STARD13: variants seen among roughly 807,000 people sequenced by gnomAD.
The protein encoded by STARD13 is StAR related lipid transfer domain containing 13.
Under a neutral mutation model 106.4 loss-of-function variants are expected in STARD13, and 62 were observed. The observed-to-expected ratio is 0.58, with a 90% confidence interval of 0.48 to 0.72. STARD13 has a LOEUF of 0.72. STARD13 is among the 30% of genes least tolerant of loss of function. STARD13 has a pLI of 0.00. For synonymous variants in STARD13, 565 were observed against 553.0 expected (o/e 1.02, Z -0.31); for missense variants, 1,387 against 1,424.0 (o/e 0.97, Z 0.42).
the STARD13 span, among the ~76,000 whole-genome samples, chr13:33,452,219 G>A: frequency 6.6e-6 from 1 of 152,074 alleles, no homozygotes; most frequent in Admixed American, 6.6e-5. Context: ...GGAGGGTGTG[G>A]ATAATGACAG....
chr13:33,494,566 G>A, the STARD13 span, among the ~76,000 whole-genome samples: 3 of 152,126 alleles, frequency 2.0e-5, no homozygotes, highest in East Asian at 1.9e-4. Flanking sequence ...GGGCTTTCCC[G>A]GCTTATTTTT....
chr13:33,141,464 C>A (rs1276748107), intron 4 of STARD13, among the ~76,000 whole-genome samples: 1 of 152,218 alleles, frequency 6.6e-6, no homozygotes, highest in Non-Finnish European at 1.5e-5. Flanking sequence ...AAACTCAAAT[C>A]TCTAGTCTTA....
At chr13:33,174,168 A>C (rs551077237) in intron 1 of STARD13, among the ~76,000 whole-genome samples, 2 of 152,156 alleles carry the variant, frequency 1.3e-5, no homozygotes, top group Non-Finnish European at 2.9e-5. Context: ...AGTCTTTTTC[A>C]GCCTGGTTGG....
chr13:33,181,453 C>T (rs748907765), intron 1 of STARD13, among the ~76,000 whole-genome samples: 8 of 152,126 alleles, frequency 5.3e-5, no homozygotes, highest in Non-Finnish European at 1.0e-4. Context: ...TGTTCTTAGC[C>T]TAGAGTCTTG....
chr13:33,203,797 G>T (rs559408815), intron 1 of STARD13, among the ~76,000 whole-genome samples: 1 of 152,054 alleles, frequency 6.6e-6, no homozygotes. Flanking sequence ...AACTTTAAAG[G>T]CTAAAGTTTT....
At chr13:33,442,670 T>C in the STARD13 span, among the ~76,000 whole-genome samples, 1 of 152,152 alleles carries the variant, frequency 6.6e-6, no homozygotes, top group East Asian at 1.9e-4. Context: ...TTGAAAAATA[T>C]TACTGAAGTT....
chr13:33,112,570 T>C (rs1321525465), intron 9 of STARD13, 151 bp downstream of exon 9: 1 of 642,186 alleles, frequency 1.6e-6, no homozygotes, highest in Non-Finnish European at 2.7e-6. Flanking sequence ...CATCTACCTA[T>C]CGTTGATCTA....
At chr13:33,340,889 C>G (rs181773168) in intron 1 of STARD13, among the ~76,000 whole-genome samples, 1 of 152,126 alleles carries the variant, frequency 6.6e-6, no homozygotes, top group East Asian at 1.9e-4. Context: ...AATTTATGTG[C>G]CTCACCAAGA....
At chr13:33,239,081 T>G (rs1463557843) in intron 1 of STARD13, among the ~76,000 whole-genome samples, 1 of 151,972 alleles carries the variant, frequency 6.6e-6, no homozygotes, top group African/African-American at 2.4e-5. Context: ...TCTGTGACTA[T>G]GAGTTTGACT....
At chr13:33,508,933 G>T in the STARD13 span, among the ~76,000 whole-genome samples, 12 of 152,142 alleles carry the variant, frequency 7.9e-5, no homozygotes, top group Non-Finnish European at 1.5e-4. Flanking sequence ...CTATTTTACT[G>T]AATACTGTAG....
Position 33,172,010 on chromosome 13 carries a change from A to G in STARD13, c.170-4388T>C, listed in dbSNP as rs74045699. On this transcript the variant is annotated intron_variant, in intron 1 of 13. Coordinates refer to ENST00000336934, the MANE Select transcript of STARD13 (RefSeq NM_178006.4). ...AACCATGGCCGATGTGGGTTTTCAC[A>G]TGAACATATTATCATGTTTCTTAAT... 5.7e-3 allele frequency among the ~76,000 whole-genome samples: 868 copies of G among 152,312 alleles called. 8 individuals carry two copies. The highest frequency in any genetic ancestry group is 0.02 in the African/African-American group (839 of 41,578).
chr13:33,453,376 A>G, the STARD13 span, among the ~76,000 whole-genome samples: 5 of 152,186 alleles, frequency 3.3e-5, no homozygotes, highest in Non-Finnish European at 5.9e-5. Context: ...CAGATGTTGG[A>G]TGGTCTATTC....
At chr13:33,322,452 T>A (rs1893597568) in intron 1 of STARD13, among the ~76,000 whole-genome samples, 4 of 152,220 alleles carry the variant, frequency 2.6e-5, no homozygotes, top group Admixed American at 2.6e-4. Context: ...TATCTGATAT[T>A]TTCATTTCCT....
chr13:33,519,003 A>G, the STARD13 span, among the ~76,000 whole-genome samples: 4 of 152,082 alleles, frequency 2.6e-5, no homozygotes. Flanking sequence ...TCCTAGGCCC[A>G]TCTGAGCACT....
At chr13:33,269,180 G>A (rs4943086) in intron 1 of STARD13, among the ~76,000 whole-genome samples, 50,815 of 152,094 alleles carry the variant, frequency 0.33, 8,816 homozygotes, top group African/African-American at 0.41. Flanking sequence ...ACTTTCACAT[G>A]AGTATCAGCT....
At chr13:33,196,364 A>G (rs984600710) in intron 1 of STARD13, among the ~76,000 whole-genome samples, 6 of 152,242 alleles carry the variant, frequency 3.9e-5, no homozygotes, top group Non-Finnish European at 8.8e-5. Flanking sequence ...TGGACAATGA[A>G]GCGAGACTCT....
chr13:33,412,610 T>G, the STARD13 span, among the ~76,000 whole-genome samples: 2 of 152,028 alleles, frequency 1.3e-5, no homozygotes, highest in Non-Finnish European at 2.9e-5. Context: ...ACAGGCAGGT[T>G]GAAAGTAAAA....
intron 1 of STARD13, among the ~76,000 whole-genome samples, chr13:33,245,095 A>G (rs561472471): frequency 7.9e-5 from 12 of 152,356 alleles, no homozygotes; most frequent in Admixed American, 7.8e-4. Flanking sequence ...GCTCTTAGAA[A>G]TAAAAGGAAA....
the STARD13 span, chr13:33,439,808 T>C: frequency 1.5e-6 from 1 of 688,832 alleles, no homozygotes. Flanking sequence ...AAAAATAAGA[T>C]TGTAAAATTA....
Sources: gnomAD v4.1 joint callset for allele counts (sites outside exome capture counted in the v4.1 genomes callset) on GRCh38, gnomAD v4.1.1 for gene constraint, MANE v1.5 for transcripts, NCBI Gene and HGNC (gene_info 2026-07-23, HGNC 2026-07-21) for gene names.